RABGEF1: variants seen among roughly 807,000 people sequenced by gnomAD.
RABGEF1 encodes the protein RAB guanine nucleotide exchange factor 1.
RABGEF1 carries 26 observed loss-of-function variants against 57.3 expected under a neutral mutation model. The observed-to-expected ratio is 0.45, with a 90% CI of 0.33 to 0.63. The LOEUF is 0.63. Among genes scored for constraint, RABGEF1 ranks in the 20% least tolerant of loss-of-function variants. The pLI, the probability that RABGEF1 is intolerant of heterozygous loss-of-function variation, is 0.02. For missense variants in RABGEF1, 464 were observed against 607.6 expected, an observed-to-expected ratio of 0.76 and a Z score of 2.48; for synonymous variants, 185 against 210.7, an observed-to-expected ratio of 0.88 and a Z score of 1.06.
rs1346456511 is a variant in RABGEF1 at position 66,728,108 on chromosome 7, C to G, written c.-814-11888C>G. On this transcript the variant is annotated intron_variant and NMD_transcript_variant, in intron 2 of 9. Coordinates refer to the RABGEF1 transcript ENST00000607882. ...TCATCACCCCCAGCAGCTCAGGGCT[C>G]CTTTGTGTCTGCTCAGGAAGGCCCT... Among the ~76,000 whole-genome samples, 3 of 152,150 alleles carry G rather than the reference C, an allele frequency of 2.0e-5. No homozygotes were observed. In the East Asian group the frequency reaches 5.8e-4, roughly 29 times the overall value.
intron 1 of RABGEF1, among the ~76,000 whole-genome samples, chr7:66,742,527 C>G (rs187382970): frequency 1.1e-3 from 169 of 152,260 alleles, no homozygotes; most frequent in East Asian, 5.8e-3. Context: ...TGAAGAATGA[C>G]TAACATTCAG....
At chr7:66,743,590 C>G (rs1464151912) in intron 1 of RABGEF1, among the ~76,000 whole-genome samples, 2 of 152,042 alleles carry the variant, frequency 1.3e-5, no homozygotes, top group Admixed American at 6.6e-5. Context: ...CAAGCTCCCC[C>G]TCCTGGGTTC....
the RABGEF1 span, among the ~76,000 whole-genome samples, chr7:66,663,275 G>C: frequency 6.6e-6 from 1 of 152,268 alleles, no homozygotes; most frequent in African/African-American, 2.4e-5. Context: ...ATCTCTGTTT[G>C]GGGCTCTCAG....
chr7:66,740,669 T>C (rs1372046252), upstream of RABGEF1: 1 of 152,662 alleles, frequency 6.6e-6, no homozygotes, highest in Non-Finnish European at 1.5e-5. Flanking sequence ...GTGCGTTCGC[T>C]GGCGGTGCCG....
intron 2 of RABGEF1, among the ~76,000 whole-genome samples, chr7:66,718,113 C>T (rs113796665): frequency 2.6e-5 from 4 of 152,014 alleles, no homozygotes; most frequent in East Asian, 1.9e-4. Flanking sequence ...GAGGCTGAAG[C>T]GGGCAGATCA....
intron 1 of RABGEF1, among the ~76,000 whole-genome samples, chr7:66,711,774 G>A (rs1361456392): frequency 1.3e-5 from 2 of 152,028 alleles, no homozygotes; most frequent in African/African-American, 4.8e-5. Context: ...TTTTAGTAGA[G>A]ACGGAGTTTC....
At chr7:66,709,359 A>C (rs1013820317) in intron 1 of RABGEF1, among the ~76,000 whole-genome samples, 24 of 152,206 alleles carry the variant, frequency 1.6e-4, no homozygotes, top group African/African-American at 5.6e-4. Context: ...TGAATTAATT[A>C]AATCATAATG....
rs1361605451 is a variant in RABGEF1, at chr7:66,709,615, T to G, written c.-872-2552T>G. On this transcript the variant is annotated intron_variant and NMD_transcript_variant, in intron 1 of 9. Transcript: ENST00000607882. ...CAGCCTGACCAACATGGTGAAACCC[T>G]GTCTCTACTAAAAATACGAAATTAG... Among the ~76,000 whole-genome samples the G allele has an allele frequency of 2.0e-5, 3 of 152,160 alleles. No individual in the cohort carries two copies. The East Asian group carries it at 5.8e-4, about 29-fold the overall frequency.
At chr7:66,808,373 G>T (rs940003979) in intron 8 of RABGEF1, among the ~76,000 whole-genome samples, 20 of 151,966 alleles carry the variant, frequency 1.3e-4, no homozygotes, top group African/African-American at 4.6e-4. Flanking sequence ...CCACAACTGC[G>T]CCCAGCTAAT....
At chr7:66,808,416 A>G (rs1214102777) in intron 8 of RABGEF1, among the ~76,000 whole-genome samples, 1 of 151,884 alleles carries the variant, frequency 6.6e-6, no homozygotes, top group Non-Finnish European at 1.5e-5. Context: ...GGGTTTCACC[A>G]TGTTGGCCAG....
chr7:66,735,904 C>G (rs1797892807), upstream of RABGEF1, among the ~76,000 whole-genome samples: 1 of 152,168 alleles, frequency 6.6e-6, no homozygotes, highest in Non-Finnish European at 1.5e-5. Flanking sequence ...CCTGTAGTAT[C>G]TCCCTCACAC....
intron 7 of RABGEF1, among the ~76,000 whole-genome samples, chr7:66,802,484 C>G (rs1787514056): frequency 6.6e-6 from 1 of 152,198 alleles, no homozygotes; most frequent in Non-Finnish European, 1.5e-5. Flanking sequence ...TGGGAGAAGA[C>G]ATAGAGCAAT....
chr7:66,661,590 G>A, the RABGEF1 span, among the ~76,000 whole-genome samples: 40 of 152,110 alleles, frequency 2.6e-4, 1 homozygote, highest in South Asian at 1.2e-3. Flanking sequence ...GAAAGTAGGG[G>A]TAAACCTATA....
the RABGEF1 span, among the ~76,000 whole-genome samples, chr7:66,672,318 G>C: frequency 6.6e-6 from 1 of 151,854 alleles, no homozygotes; most frequent in Non-Finnish European, 1.5e-5. Context: ...TGTAGTCCCA[G>C]CTACTCAGGA....
At chr7:66,771,571 A>G (rs1405104779) in intron 1 of RABGEF1, among the ~76,000 whole-genome samples, 1 of 152,036 alleles carries the variant, frequency 6.6e-6, no homozygotes, top group Non-Finnish European at 1.5e-5. Context: ...TTTTTTTTCT[A>G]GGAGTTTTCT....
At position 66,779,767 on chromosome 7, in the gene RABGEF1, C is replaced by A. The variant is rs1175125501; in HGVS notation, c.347-3908C>A. Among the ~76,000 whole-genome samples the A allele has an allele frequency of 2.0e-5, 3 of 151,770 alleles. No homozygotes were observed. The South Asian group carries it at 6.2e-4, about 31-fold the overall frequency. ...CCCTAGCCAAAATTATGAACTGTAACGTGGATGAGGTTGTTCTTTTCCATA... is the reference window on the plus strand; with the variant it reads ...CCCTAGCCAAAATTATGAACTGTAAAGTGGATGAGGTTGTTCTTTTCCATA... On this transcript the variant is annotated intron_variant, in intron 3 of 8. Coordinates refer to ENST00000284957, the MANE Select transcript of RABGEF1 (RefSeq NM_014504.3).
intron 2 of RABGEF1, among the ~76,000 whole-genome samples, chr7:66,723,020 G>A (rs1324268599): frequency 6.6e-6 from 1 of 151,652 alleles, no homozygotes; most frequent in African/African-American, 2.4e-5. Context: ...CCAGGCTGGC[G>A]TGCAATGGCG....
intron 2 of RABGEF1, among the ~76,000 whole-genome samples, chr7:66,721,744 GATCTCTTGAGCTT>G (rs1196157609): frequency 6.6e-5 from 10 of 152,180 alleles, no homozygotes; most frequent in African/African-American, 2.2e-4. Flanking sequence ...AAGGCGGGCA[GATCTCTTGAGCTT>G]GGCAGTTTGA....
chr7:66,797,592 A>C, intron 6 of RABGEF1, 86 bp downstream of exon 6: 5 of 1,437,708 alleles, frequency 3.5e-6, no homozygotes, highest in Non-Finnish European at 3.8e-6. Flanking sequence ...CTGTGTTTCA[A>C]ACCTTAAGGG....
Sources: allele counts gnomAD v4.1 joint callset (sites outside exome capture counted in the v4.1 genomes callset), GRCh38; gene constraint gnomAD v4.1.1; transcripts MANE v1.5; gene names NCBI Gene and HGNC (gene_info 2026-07-23, HGNC 2026-07-21).